The following HAVCR2 variants were observed in gnomAD, a reference collection of about 807,000 sequenced individuals.
HAVCR2 encodes the protein T cell immunoglobulin mucin 3.
HAVCR2 carries 13 observed loss-of-function variants against 24.7 expected under a neutral mutation model. The observed-to-expected ratio is 0.53, with a 90% CI of 0.34 to 0.84. The LOEUF (loss-of-function observed/expected upper bound fraction) is 0.84. Among genes scored for constraint, HAVCR2 ranks in the 40% least tolerant of loss-of-function variants. The probability of loss-of-function intolerance (pLI) is 0.01; values close to 1 mark genes in which losing one functional copy is unlikely to be tolerated. For missense variants in HAVCR2, 343 were observed against 371.2 expected (o/e 0.92, Z 0.62); for synonymous variants, 154 against 143.4 (o/e 1.07, Z -0.53).
rs1561619880 is a variant in HAVCR2, at chr5:157,092,913, A to AAAAAAAAAAAAAAAAAAAT, written c.676+2392_676+2393insATTTTTTTTTTTTTTTTTT. 1.2e-4 allele frequency among the ~76,000 whole-genome samples: 15 copies of AAAAAAAAAAAAAAAAAAAT among 123,028 alleles called. 1 individual carries two copies. Among genetic ancestry groups the AAAAAAAAAAAAAAAAAAAT allele is most frequent in the African/African-American group, 4.3e-4 (14 of 32,284 alleles). 80.7% of individuals were successfully genotyped at this position (123,028 alleles called of 152,430 possible). A position where few individuals can be genotyped will look rare whatever the true frequency, so the allele number is the denominator to read the frequency against. ...AAAAAAAAAAAAAAAAAAAAAAAAA[A>AAAAAAAAAAAAAAAAAAAT]AAAAACTAGCCAGGTGTGGTGGCAT... On this transcript the variant is annotated intron_variant, in intron 5 of 6. Coordinates refer to ENST00000307851, the MANE Select transcript of HAVCR2 (RefSeq NM_032782.5).
rs1433208818 is a variant in HAVCR2 at position 157,106,581 on chromosome 5, A to G, written c.394+46T>C. ...ACAATCAGTACCTTTAATATGATCC[A>G]CAGATAAATCTTATTCATAAAGATG... is the stretch of plus-strand genomic sequence containing the variant. On this transcript the variant is annotated intron_variant, in intron 2 of 6. Transcript: ENST00000307851. 5 of 1,486,884 alleles carry G rather than the reference A, an allele frequency of 3.4e-6. No individual in the cohort carries two copies. In the East Asian group the frequency reaches 9.1e-5, roughly 27 times the overall value. The allele number at this position is 1,486,884 out of a possible 1,614,324, so 92.1% of individuals were successfully genotyped here.
intron 1 of HAVCR2, among the ~76,000 whole-genome samples, chr5:157,107,878 G>A (rs1230434708): frequency 9.3e-6 from 1 of 106,974 alleles, no homozygotes; most frequent in Non-Finnish European, 1.9e-5. Flanking sequence ...CCTTTTTTAT[G>A]TGAAAACTGA....
At position 157,098,120 on chromosome 5, in the gene HAVCR2, A is replaced by T. The variant is rs1015030573; in HGVS notation, c.522+738T>A. Among the ~76,000 whole-genome samples, 7 of 152,112 alleles carry T rather than the reference A, an allele frequency of 4.6e-5. 2 individuals carry two copies. The highest frequency in any genetic ancestry group is 2.0e-4 in the Admixed American group (3 of 15,270). On this transcript the variant is annotated intron_variant, in intron 4 of 6. Coordinates refer to ENST00000307851, the MANE Select transcript of HAVCR2 (RefSeq NM_032782.5). Reference sequence around the variant, plus strand: ...AACCCTGTCTCTACTAAAAATACAAAATTAGGCCAGGTGCCATGGCTCACG... The same window carrying T: ...AACCCTGTCTCTACTAAAAATACAATATTAGGCCAGGTGCCATGGCTCACG...
chr5:157,097,293 C>T (rs1757106840), intron 4 of HAVCR2, among the ~76,000 whole-genome samples: 4 of 143,062 alleles, frequency 2.8e-5, no homozygotes, highest in African/African-American at 7.8e-5. Flanking sequence ...CTTGCCCTGT[C>T]ACCTAGGATG....
intron 2 of HAVCR2, 138 bp downstream of exon 2, chr5:157,106,489 G>A (rs1161562240): frequency 1.5e-6 from 1 of 664,128 alleles, no homozygotes; most frequent in African/African-American, 1.8e-5. Flanking sequence ...TCACCAATGG[G>A]GCCTGTTAAA....
chr5:157,093,804 G>A (rs1561620150), intron 5 of HAVCR2, among the ~76,000 whole-genome samples: 3 of 151,996 alleles, frequency 2.0e-5, no homozygotes, highest in Admixed American at 6.6e-5. Context: ...AATTAGCCAG[G>A]CGTGGTGGTA....
At chr5:157,095,029 G>A (rs1757073775) in intron 5 of HAVCR2, among the ~76,000 whole-genome samples, 1 of 152,188 alleles carries the variant, frequency 6.6e-6, no homozygotes, top group African/African-American at 2.4e-5. Flanking sequence ...CTCTAAGCTT[G>A]ACTTCCCTTC....
At chr5:157,106,605 T>C (rs2113695799) in intron 2 of HAVCR2, 22 bp downstream of exon 2, 1 of 1,559,470 alleles carries the variant, frequency 6.4e-7, no homozygotes, top group South Asian at 1.1e-5. Flanking sequence ...TTCATAAAGA[T>C]GGCATGCAAA....
intron 4 of HAVCR2, among the ~76,000 whole-genome samples, chr5:157,095,862 C>T (rs1316656271): frequency 6.6e-6 from 1 of 152,020 alleles, no homozygotes; most frequent in Non-Finnish European, 1.5e-5. Context: ...TGCTATGAAA[C>T]GTCTATTTTT....
intron 5 of HAVCR2, among the ~76,000 whole-genome samples, chr5:157,094,247 C>G (rs1051031263): frequency 2.6e-5 from 4 of 151,770 alleles, no homozygotes; most frequent in Non-Finnish European, 5.9e-5. Flanking sequence ...CTTTGCTGCC[C>G]AGGCTGATCT....
intron 3 of HAVCR2, among the ~76,000 whole-genome samples, chr5:157,102,764 G>A (rs760387103): frequency 5.9e-5 from 9 of 151,628 alleles, no homozygotes; most frequent in Non-Finnish European, 1.0e-4. Context: ...GTGAAACCCC[G>A]TCTCTAATAA....
At position 157,087,092 on chromosome 5, in the gene HAVCR2, G is replaced by A. The variant is rs1756923821; in HGVS notation, c.*10C>T. 6.2e-7 allele frequency: 1 copy of A among 1,607,768 alleles called. No individual in the cohort carries two copies. The highest frequency in any genetic ancestry group is 8.5e-7 in the Non-Finnish European group (1 of 1,178,418). ...ACAAAACACCAAGCTCAAAAATAAG[G>A]TGGTTGGATCTATGGCATTGCAAAG... On this transcript the variant is annotated 3_prime_UTR_variant, in exon 7 of 7. Transcript: ENST00000307851.
intron 3 of HAVCR2, among the ~76,000 whole-genome samples, chr5:157,099,292 T>C (rs998276366): frequency 1.3e-5 from 2 of 152,202 alleles, no homozygotes; most frequent in Non-Finnish European, 2.9e-5. Context: ...AATTTCACTC[T>C]GTCACCCAGG....
intron 6 of HAVCR2, among the ~76,000 whole-genome samples, chr5:157,087,902 C>CA (rs753842431): frequency 0.18 from 16,300 of 88,670 alleles, 1,057 homozygotes; most frequent in Middle Eastern, 0.28. Flanking sequence ...GACTCCGTCT[C>CA]AAAAAAAAAA....
rs772674657 is a variant in HAVCR2 at position 157,108,942 on chromosome 5, C to T, written c.42G>A (p.Leu14=). The change falls in exon 1 of 7, where the codon CTG becomes CTA. Residue 14 remains leucine, a synonymous_variant. Transcript: ENST00000307851. The part of the protein sequence containing the change: ...HLPFDCVLLL[L]LLLLTRSSEV... ...GAGACTTACTTGTAAGTAGTAGCAG[C>T]AGCAGCAGCAGGACACAGTCAAAGG... The T allele has an allele frequency of 6.2e-7, 1 of 1,613,888 alleles. No individual in the cohort carries two copies. The highest frequency in any genetic ancestry group is 1.1e-5 in the South Asian group (1 of 91,068).
At chr5:157,089,645 G>C (rs188861236) in intron 5 of HAVCR2, among the ~76,000 whole-genome samples, 1 of 152,104 alleles carries the variant, frequency 6.6e-6, no homozygotes, top group South Asian at 2.1e-4. Flanking sequence ...ACAGATAATA[G>C]AGAGGGTGGT....
chr5:157,092,867 C>G (rs1246177592), intron 5 of HAVCR2, among the ~76,000 whole-genome samples: 1 of 89,878 alleles, frequency 1.1e-5, no homozygotes, highest in East Asian at 3.7e-4. Flanking sequence ...ATGGCAAAAC[C>G]CTGTCTCTAC....
intron 4 of HAVCR2, among the ~76,000 whole-genome samples, chr5:157,097,593 T>A (rs936962374): frequency 7.2e-5 from 11 of 151,778 alleles, no homozygotes; most frequent in African/African-American, 2.7e-4. Flanking sequence ...TGCTGCAAGC[T>A]TGCCTTCTAG....
intron 3 of HAVCR2, among the ~76,000 whole-genome samples, chr5:157,100,536 T>C (rs568248493): frequency 1.3e-5 from 2 of 152,312 alleles, no homozygotes; most frequent in African/African-American, 4.8e-5. Context: ...TCATGAACAC[T>C]GAATTCTAAA....
Sources: gnomAD v4.1 joint callset for allele counts (sites outside exome capture counted in the v4.1 genomes callset) on GRCh38, gnomAD v4.1.1 for gene constraint, MANE v1.5 for transcripts, NCBI Gene and HGNC (gene_info 2026-07-23, HGNC 2026-07-21) for gene names.